The following ATP10B variants were observed in gnomAD, a reference collection of about 807,000 sequenced individuals.
The protein encoded by ATP10B is phospholipid-transporting ATPase VB.
Under a neutral mutation model 141.2 loss-of-function variants are expected in ATP10B, and 122 were observed. The observed-to-expected ratio is 0.86, with a 90% CI of 0.75 to 1.00. The LOEUF (loss-of-function observed/expected upper bound fraction) is 1.00. ATP10B is among the 50% of genes least tolerant of loss of function. The probability of loss-of-function intolerance (pLI) is 0.00; values close to 1 mark genes in which losing one functional copy is unlikely to be tolerated. For missense variants in ATP10B, 1,876 were observed against 1,825.3 expected (o/e 1.03, Z -0.51); for synonymous variants, 685 against 692.0 (o/e 0.99, Z 0.16).
chr5:160,600,170 C>A (rs1319866409), intron 21 of ATP10B, among the ~76,000 whole-genome samples: 2 of 152,024 alleles, frequency 1.3e-5, no homozygotes, highest in Non-Finnish European at 2.9e-5. Context: ...AGTAGTACTA[C>A]GTTATTGTAC....
intron 4 of ATP10B, 65 bp downstream of exon 4, chr5:160,688,695 C>T (rs1763908624): frequency 1.1e-6 from 1 of 875,538 alleles, no homozygotes; most frequent in Admixed American, 6.2e-5. Flanking sequence ...GAAAAGGTAC[C>T]TATTCTTTAG....
chr5:160,698,475 A>G (rs79033686), intron 3 of ATP10B, among the ~76,000 whole-genome samples: 2 of 152,178 alleles, frequency 1.3e-5, no homozygotes, highest in African/African-American at 4.8e-5. Flanking sequence ...TATTTTCTCG[A>G]TTAATTAATA....
intron 24 of ATP10B, among the ~76,000 whole-genome samples, chr5:160,588,753 G>A (rs2052461): frequency 0.74 from 112,772 of 151,884 alleles, 41,972 homozygotes; most frequent in East Asian, 0.85. Context: ...CGCTAATCAT[G>A]TAGAGAGACA....
At chr5:160,897,852 A>C in the ATP10B span, among the ~76,000 whole-genome samples, 17 of 152,304 alleles carry the variant, frequency 1.1e-4, no homozygotes, top group Non-Finnish European at 2.1e-4. Flanking sequence ...TATATAGACC[A>C]ATGGAACAGA....
the ATP10B span, among the ~76,000 whole-genome samples, chr5:160,912,731 A>G: frequency 6.6e-6 from 1 of 152,112 alleles, no homozygotes; most frequent in Non-Finnish European, 1.5e-5. Flanking sequence ...AAAGAGAGAG[A>G]GAGAAAGAAA....
At chr5:160,922,276 A>T in the ATP10B span, among the ~76,000 whole-genome samples, 1 of 152,202 alleles carries the variant, frequency 6.6e-6, no homozygotes, top group Non-Finnish European at 1.5e-5. Context: ...TCTTGTAGCA[A>T]GTCACTTTTA....
chr5:160,649,288 A>AAC, intron 7 of ATP10B, 32 bp from the exon 8 acceptor site: 1 of 1,494,354 alleles, frequency 6.7e-7, no homozygotes, highest in Non-Finnish European at 9.3e-7. Context: ...GAGTTTATTA[A>AAC]TTCAGAGGGA....
chr5:160,770,675 G>A (rs1220201721), intron 2 of ATP10B, among the ~76,000 whole-genome samples: 1 of 152,024 alleles, frequency 6.6e-6, no homozygotes, highest in Admixed American at 6.6e-5. Context: ...TATTTTAATA[G>A]CAAAGCACTT....
At chr5:160,699,728 G>A (rs556469367) in intron 3 of ATP10B, among the ~76,000 whole-genome samples, 1 of 152,154 alleles carries the variant, frequency 6.6e-6, no homozygotes, top group East Asian at 1.9e-4. Flanking sequence ...AAAGGCAAAG[G>A]GACAAGAATT....
the ATP10B span, among the ~76,000 whole-genome samples, chr5:160,908,878 G>C: frequency 6.6e-6 from 1 of 152,082 alleles, no homozygotes; most frequent in African/African-American, 2.4e-5. Context: ...TCAAATCTAA[G>C]CTTCTGCTAG....
intron 8 of ATP10B, 70 bp downstream of exon 8, chr5:160,649,100 CA>C (rs1760513643): frequency 3.1e-5 from 35 of 1,125,298 alleles, no homozygotes; most frequent in Non-Finnish European, 2.6e-6. Context: ...TTTGTTTGGT[CA>C]TTTCTAGACA....
At chr5:160,812,020 C>CAGAGAGAGAGAG (rs34793101) in intron 1 of ATP10B, among the ~76,000 whole-genome samples, 9 of 111,394 alleles carry the variant, frequency 8.1e-5, no homozygotes, top group Non-Finnish European at 1.2e-4. Flanking sequence ...GAGACAGAGA[C>CAGAGAGAGAGAG]AGAGAGAGAG....
chr5:160,724,783 G>T (rs1766223063), intron 2 of ATP10B, among the ~76,000 whole-genome samples: 1 of 152,090 alleles, frequency 6.6e-6, no homozygotes, highest in South Asian at 2.1e-4. Context: ...TCTGTTTCTT[G>T]CTCTTTTTAA....
chr5:160,578,223 T>A (rs1755315946), intron 24 of ATP10B, among the ~76,000 whole-genome samples: 2 of 152,298 alleles, frequency 1.3e-5, no homozygotes, highest in African/African-American at 4.8e-5. Flanking sequence ...ATACTTTAAG[T>A]TCTGGGCTAC....
intron 2 of ATP10B, among the ~76,000 whole-genome samples, chr5:160,767,695 T>C (rs1769581515): frequency 7.0e-6 from 1 of 142,022 alleles, no homozygotes; most frequent in African/African-American, 2.5e-5. Context: ...TTATTTGAAC[T>C]TTAATTATTT....
At chr5:160,672,879 G>C (rs1422152183) in intron 6 of ATP10B, among the ~76,000 whole-genome samples, 2 of 152,150 alleles carry the variant, frequency 1.3e-5, no homozygotes, top group Non-Finnish European at 2.9e-5. Context: ...AGGCCCTCTG[G>C]AGAATCTCAG....
At chr5:160,643,532 A>G (rs1760036244) in intron 9 of ATP10B, among the ~76,000 whole-genome samples, 1 of 152,216 alleles carries the variant, frequency 6.6e-6, no homozygotes, top group Non-Finnish European at 1.5e-5. Context: ...CCATTGTGAG[A>G]AGCGCTGCTA....
intron 20 of ATP10B, chr5:160,603,242 C>G (rs1757195974): frequency 6.5e-6 from 1 of 154,930 alleles, no homozygotes; most frequent in Admixed American, 6.3e-5. Flanking sequence ...TTTATAAGTC[C>G]TGGTATAAAC....
chr5:160,616,866 G>C (rs565678571), intron 16 of ATP10B, among the ~76,000 whole-genome samples: 2 of 152,330 alleles, frequency 1.3e-5, no homozygotes, highest in African/African-American at 4.8e-5. Flanking sequence ...CTGATTCAGA[G>C]TAGCAGTAAG....
Sources: gnomAD v4.1 joint callset for allele counts (sites outside exome capture counted in the v4.1 genomes callset) on GRCh38, gnomAD v4.1.1 for gene constraint, MANE v1.5 for transcripts, NCBI Gene and HGNC (gene_info 2026-07-23, HGNC 2026-07-21) for gene names.